The following ALPK1 variants were observed in gnomAD, a reference collection of about 807,000 sequenced individuals.
The protein encoded by ALPK1 is alpha-protein kinase 1.
Under a neutral mutation model 120.6 loss-of-function variants are expected in ALPK1, and 110 were observed. The observed-to-expected ratio is 0.91, with a 90% CI of 0.78 to 1.07. The LOEUF (loss-of-function observed/expected upper bound fraction) is 1.07, where lower values mean the gene tolerates loss of function less well. Ranked by LOEUF, ALPK1 falls within the 50% of genes least tolerant of loss-of-function variation. ALPK1 has a pLI of 0.00. For synonymous variants in ALPK1, 582 were observed against 560.3 expected, an observed-to-expected ratio of 1.04 and a Z score of -0.55; for missense variants, 1,498 against 1,483.9, an observed-to-expected ratio of 1.01 and a Z score of -0.16.
intron 2 of ALPK1, among the ~76,000 whole-genome samples, chr4:112,325,554 G>A (rs1344943864): frequency 3.9e-5 from 6 of 152,146 alleles, no homozygotes; most frequent in Non-Finnish European, 2.9e-5. Context: ...CATTCACATT[G>A]ATAATTGTAA....
chr4:112,362,919 G>A (rs1730976169), intron 2 of ALPK1, among the ~76,000 whole-genome samples: 1 of 152,190 alleles, frequency 6.6e-6, no homozygotes, highest in Admixed American at 6.5e-5. Context: ...AGAAGGGATT[G>A]GAGTCCTATC....
chr4:112,390,950 G>A (rs1415649811), intron 4 of ALPK1, among the ~76,000 whole-genome samples: 7 of 152,154 alleles, frequency 4.6e-5, no homozygotes, highest in East Asian at 3.8e-4. Flanking sequence ...CTGCATAAAC[G>A]TTAGGCTTGA....
chr4:112,432,049 A>G lies in ALPK1; in HGVS notation c.2502A>G (p.Lys834=). 1 of 1,613,932 alleles carries G rather than the reference A, an allele frequency of 6.2e-7. No homozygotes were observed. Among genetic ancestry groups the G allele is most frequent in the Non-Finnish European group, 8.5e-7 (1 of 1,179,894 alleles). ...NWPVQNPDSR[K]SGGPVAEQGI... ...CTGTTCAAAATCCTGACTCCAGAAA[A>G]AGTGGTGGCCCAGTCGCAGAGCAGG... The change falls in exon 11 of 16, where the codon AAA becomes AAG. Residue 834 remains lysine, a synonymous_variant. Coordinates refer to ENST00000650871, the MANE Select transcript of ALPK1 (RefSeq NM_025144.4).
intron 2 of ALPK1, among the ~76,000 whole-genome samples, chr4:112,355,245 A>T (rs1730547831): frequency 6.6e-6 from 1 of 152,092 alleles, no homozygotes. Context: ...TATTTTGCCT[A>T]AGGTTAGATT....
chr4:112,307,513 G>A (rs1446728854), intron 1 of ALPK1, among the ~76,000 whole-genome samples: 2 of 151,222 alleles, frequency 1.3e-5, no homozygotes, highest in African/African-American at 4.8e-5. Flanking sequence ...TAATGGCCTT[G>A]TCTCTTTTGA....
intron 4 of ALPK1, among the ~76,000 whole-genome samples, chr4:112,396,978 G>C (rs1299923209): frequency 1.3e-5 from 2 of 152,018 alleles, no homozygotes; most frequent in African/African-American, 2.4e-5. Context: ...GTCATCACCA[G>C]GTTGCCCAGG....
intron 3 of ALPK1, among the ~76,000 whole-genome samples, chr4:112,381,980 A>G (rs1731931289): frequency 6.6e-6 from 1 of 152,228 alleles, no homozygotes; most frequent in Non-Finnish European, 1.5e-5. Context: ...AAGCAAAAAG[A>G]GGTTGTACAA....
chr4:112,384,528 T>C (rs1404706040), intron 4 of ALPK1: 2 of 152,230 alleles, frequency 1.3e-5, no homozygotes, highest in African/African-American at 2.4e-5. Context: ...TCTAAAGCAG[T>C]GGCTATAAAT....
At chr4:112,382,941 G>A (rs976042827) in intron 4 of ALPK1, 14 of 228,522 alleles carry the variant, frequency 6.1e-5, no homozygotes, top group African/African-American at 3.2e-4. Flanking sequence ...TTTCATCAGT[G>A]TGACTTGCTG....
chr4:112,319,238 CT>C (rs1728763264), intron 2 of ALPK1, among the ~76,000 whole-genome samples: 2 of 152,072 alleles, frequency 1.3e-5, no homozygotes, highest in Non-Finnish European at 2.9e-5. Flanking sequence ...GCTTTGTTGC[CT>C]ATAGGGTGTG....
At chr4:112,429,005 A>C (rs1734400236) in intron 9 of ALPK1, 144 bp from the exon 10 acceptor site, 19 of 734,082 alleles carry the variant, frequency 2.6e-5, no homozygotes, top group Non-Finnish European at 4.1e-5. Context: ...AGACCCACTT[A>C]CTCTTTCTTT....
Position 112,430,685 on chromosome 4 carries a change from C to T in ALPK1, c.1138C>T (p.Gln380Ter). 1 of 1,614,190 alleles carries T rather than the reference C, an allele frequency of 6.2e-7. No individual in the cohort carries two copies. ...GACAGGGACGGTCCATGCAGCAAGT[C>T]AGCTCTGTAAGGAAGCAATGGGGAA... ...GETGTVHAAS[Q>*]LCKEAMGKLY... Residue 380 changes from glutamine (Q) to a stop codon, truncating the protein, a stop_gained, in exon 11 of 16, where the codon CAG becomes TAG. Transcript: ENST00000650871. LOFTEE classifies it high-confidence loss of function.
In ALPK1 at chr4:112,426,528, T is replaced by C; in HGVS notation, c.684T>C (p.Pro228=). The C allele has an allele frequency of 6.3e-7, 1 of 1,577,404 alleles. No homozygotes were observed. The highest frequency in any genetic ancestry group is 8.6e-7 in the Non-Finnish European group (1 of 1,166,410). ...WASIVGYLAL[P]QPDKKGLSTS... ...CCATTGTAGGATATTTGGCACTTCC[T>C]CAGCCGGATAAAAAGGTGGTTTGTC... Residue 228 remains proline (P), a synonymous_variant, in exon 8 of 16, where the codon CCT becomes CCC. Coordinates refer to ENST00000650871, the MANE Select transcript of ALPK1 (RefSeq NM_025144.4).
chr4:112,424,400 G>A (rs955525333), intron 6 of ALPK1, among the ~76,000 whole-genome samples: 4 of 152,130 alleles, frequency 2.6e-5, no homozygotes, highest in African/African-American at 9.7e-5. Context: ...AATTTAAATG[G>A]TTCAGAAAAT....
intron 2 of ALPK1, among the ~76,000 whole-genome samples, chr4:112,322,996 C>T (rs1728927773): frequency 6.6e-6 from 1 of 152,216 alleles, no homozygotes; most frequent in Admixed American, 6.5e-5. Flanking sequence ...CAGTCATCAG[C>T]CCAGCCACAG....
intron 2 of ALPK1, among the ~76,000 whole-genome samples, chr4:112,325,644 T>C (rs1253274309): frequency 6.6e-6 from 1 of 152,156 alleles, no homozygotes; most frequent in Non-Finnish European, 1.5e-5. Context: ...TTATCACACA[T>C]CTCAACTTTT....
chr4:112,375,989 G>A (rs920603385), intron 2 of ALPK1, among the ~76,000 whole-genome samples: 12 of 152,152 alleles, frequency 7.9e-5, no homozygotes, highest in African/African-American at 2.9e-4. Context: ...GAGAGGAAAA[G>A]ATAGTAAGAA....
At chr4:112,434,118 C>A (rs1049353945) in intron 11 of ALPK1, among the ~76,000 whole-genome samples, 5 of 152,230 alleles carry the variant, frequency 3.3e-5, no homozygotes, top group African/African-American at 1.2e-4. Flanking sequence ...ACATTTATTA[C>A]AATGAGGTAA....
intron 11 of ALPK1, among the ~76,000 whole-genome samples, chr4:112,434,030 C>T (rs1219224187): frequency 2.0e-5 from 3 of 152,288 alleles, no homozygotes; most frequent in Admixed American, 1.3e-4. Flanking sequence ...ATACAAATCA[C>T]ATTGTTACCA....
Sources: gnomAD v4.1 joint callset for allele counts (sites outside exome capture counted in the v4.1 genomes callset) on GRCh38, gnomAD v4.1.1 for gene constraint, MANE v1.5 for transcripts, NCBI Gene and HGNC (gene_info 2026-07-23, HGNC 2026-07-21) for gene names.